MORN1: variants seen among roughly 807,000 people sequenced by gnomAD.
MORN1 encodes MORN repeat-containing protein 1.
In MORN1, 67 loss-of-function variants were observed where a neutral mutation model predicts 61.9. That is an observed-to-expected ratio of 1.08 (90% CI 0.89 to 1.33). The LOEUF (loss-of-function observed/expected upper bound fraction) is 1.33. Among genes scored for constraint, MORN1 ranks in the 40% most tolerant of loss-of-function variants. The pLI, the probability that MORN1 is intolerant of heterozygous loss-of-function variation, is 0.00. For synonymous variants in MORN1, 301 were observed against 292.0 expected (o/e 1.03, Z -0.31); for missense variants, 752 against 691.2 (o/e 1.09, Z -0.99).
intron 12 of MORN1, among the ~76,000 whole-genome samples, chr1:2,333,044 A>G (rs539609910): frequency 7.9e-4 from 120 of 152,324 alleles, no homozygotes; most frequent in African/African-American, 2.8e-3. Context: ...TGGGACTATA[A>G]AAACACGGAA....
chr1:2,330,247 C>T (rs924948915), intron 12 of MORN1, among the ~76,000 whole-genome samples: 1 of 152,254 alleles, frequency 6.6e-6, no homozygotes. Flanking sequence ...ACCCTGAGTC[C>T]TGTCCCTGTT....
chr1:2,342,871 ATTTTATTTTAT>A, intron 10 of MORN1, among the ~76,000 whole-genome samples: 1 of 66,764 alleles, frequency 1.5e-5, no homozygotes, highest in African/African-American at 4.6e-5. Context: ...TATTTTATTT[ATTTTATTTTAT>A]TTTATTTTAT....
chr1:2,325,116 T>TCCTTCTCTC (rs1640979751), intron 12 of MORN1, among the ~76,000 whole-genome samples: 1 of 61,772 alleles, frequency 1.6e-5, no homozygotes, highest in African/African-American at 1.2e-4. Context: ...TTCCTTCCCT[T>TCCTTCTCTC]CCTTCCCTTC....
At chr1:2,335,323 C>G (rs535803583) in intron 12 of MORN1, among the ~76,000 whole-genome samples, 2 of 152,328 alleles carry the variant, frequency 1.3e-5, no homozygotes, top group African/African-American at 4.8e-5. Flanking sequence ...GCCCCACCCC[C>G]GGCGGAAGCA....
chr1:2,367,279 G>T (rs1157476680), intron 8 of MORN1, among the ~76,000 whole-genome samples: 5 of 136,348 alleles, frequency 3.7e-5, no homozygotes, highest in African/African-American at 1.4e-4. Flanking sequence ...TTAGCAAACT[G>T]AAGGACAAGA....
In MORN1 at chr1:2,336,512, T is replaced by G. The variant is rs755680362; in HGVS notation, c.1207A>C (p.Arg403=). ...GGRSRGGLHP[R]GTPPTAQEPP... is the part of the protein sequence containing the mutation. ...TCCTGTGCCGTGGGTGGTGTCCCCC[T>G]GGGGTGCAGGCCGCCTCTGGATCTG... Residue 403 remains arginine (R), a synonymous_variant, in exon 12 of 14, where the codon AGG becomes CGG. Coordinates refer to ENST00000378531, the MANE Select transcript of MORN1 (RefSeq NM_024848.3). 1 of 1,612,712 alleles carries G rather than the reference T, an allele frequency of 6.2e-7. No individual in the cohort carries two copies. The highest frequency in any genetic ancestry group is 1.1e-5 in the South Asian group (1 of 91,064).
In MORN1 at chr1:2,379,783, A is replaced by G. The variant is rs374940559; in HGVS notation, c.537+5195T>C. On this transcript the variant is annotated intron_variant, in intron 6 of 13. Coordinates refer to ENST00000378531, the MANE Select transcript of MORN1 (RefSeq NM_024848.3). ...CTGGGGAGGAACTGGAACTGTGTGC[A>G]CTGTGGGCAGGAAGGTAAAAGGGTG... 9.2e-5 allele frequency among the ~76,000 whole-genome samples: 14 copies of G among 152,346 alleles called. No individual in the cohort carries two copies. In the South Asian group the frequency reaches 2.9e-3, roughly 32 times the overall value.
intron 8 of MORN1, among the ~76,000 whole-genome samples, chr1:2,367,360 C>T (rs1161912181): frequency 2.0e-5 from 3 of 150,644 alleles, no homozygotes; most frequent in African/African-American, 4.9e-5. Context: ...TGGCTTATGC[C>T]TGTGATCCCA....
At chr1:2,336,405 C>T in intron 12 of MORN1, 64 bp downstream of exon 12, 1 of 1,525,584 alleles carries the variant, frequency 6.6e-7, no homozygotes, top group Admixed American at 1.8e-5. Context: ...TCCTCCTGGC[C>T]CAGCTGATGA....
chr1:2,329,472 C>T (rs1007288002), intron 12 of MORN1, among the ~76,000 whole-genome samples: 1 of 152,218 alleles, frequency 6.6e-6, no homozygotes, highest in Non-Finnish European at 1.5e-5. Flanking sequence ...TCCCATTGTC[C>T]TGGGAGTTCT....
At chr1:2,389,291 CG>C (rs1258912306) in intron 2 of MORN1, among the ~76,000 whole-genome samples, 9 of 152,140 alleles carry the variant, frequency 5.9e-5, no homozygotes, top group African/African-American at 2.2e-4. Context: ...TGTTTTGAGA[CG>C]GAGTCTCAGT....
chr1:2,342,444 C>T (rs1009133426), intron 10 of MORN1, among the ~76,000 whole-genome samples: 5 of 152,218 alleles, frequency 3.3e-5, no homozygotes, highest in Non-Finnish European at 5.9e-5. Flanking sequence ...CCTAAGGGGA[C>T]GAGAACAGTC....
intron 13 of MORN1, 77 bp downstream of exon 13, chr1:2,324,020 C>A (rs887090381): frequency 4.8e-5 from 72 of 1,504,470 alleles, no homozygotes; most frequent in Non-Finnish European, 6.0e-5. Flanking sequence ...CCCAACCCCA[C>A]CTCCAGCCCT....
rs944304127 is a variant in MORN1, at chr1:2,355,277, G to A, written c.1036+2155C>T. On this transcript the variant is annotated intron_variant, in intron 10 of 13. Transcript: ENST00000378531. Reference sequence around the variant, plus strand: ...GAAGGCAGACAAGGGGGCGCGGGCCGGGCCCCCCGTGGGCCTGTTGGCCTG... The same window carrying A: ...GAAGGCAGACAAGGGGGCGCGGGCCAGGCCCCCCGTGGGCCTGTTGGCCTG... 9 of 1,431,962 alleles carry A rather than the reference G, an allele frequency of 6.3e-6. No homozygotes were observed. In the African/African-American group the frequency reaches 8.7e-5, roughly 14 times the overall value. The allele number at this position is 1,431,962 out of a possible 1,614,324, so 88.7% of individuals were successfully genotyped here. A position where few individuals can be genotyped will look rare whatever the true frequency, so the allele number is the denominator to read the frequency against.
At chr1:2,373,113 C>T (rs1452490536) in intron 7 of MORN1, among the ~76,000 whole-genome samples, 3 of 152,214 alleles carry the variant, frequency 2.0e-5, no homozygotes, top group Non-Finnish European at 4.4e-5. Context: ...GTCGTCACAC[C>T]GCATCCTGCT....
chr1:2,325,283 C>T lies in MORN1; in HGVS notation c.1251-1140G>A, dbSNP rs1019579751. ...TCTCTCTCTGCCTCTCTTTCTCTCTCTCTCCTCTCTCTCTCTCTCTCTTTT... is the reference window on the plus strand; with the variant it reads ...TCTCTCTCTGCCTCTCTTTCTCTCTTTCTCCTCTCTCTCTCTCTCTCTTTT... On this transcript the variant is annotated intron_variant, in intron 12 of 13. Transcript: ENST00000378531. Among the ~76,000 whole-genome samples, 3 of 105,986 alleles carry T rather than the reference C, an allele frequency of 2.8e-5. 1 individual carries two copies. Among genetic ancestry groups the T allele is most frequent in the South Asian group, 6.9e-4 (2 of 2,900 alleles). The allele number at this position is 105,986 out of a possible 152,430, so 69.5% of individuals were successfully genotyped here.
At position 2,387,325 on chromosome 1, in the gene MORN1, G is replaced by C; in HGVS notation, c.358+94C>G. On this transcript the variant is annotated intron_variant, in intron 4 of 13. Transcript: ENST00000378531. ...TTTCCAACCCTCTGAAGTCAGGCAG[G>C]CCCTCTCAGAGGTTCCTGAACCCAA... 3.4e-6 allele frequency: 3 copies of C among 893,662 alleles called. No homozygotes were observed. The East Asian group carries it at 7.2e-5, about 21-fold the overall frequency. The allele number at this position is 893,662 out of a possible 1,614,324, so 55.4% of individuals were successfully genotyped here.
At chr1:2,354,087 C>T (rs1188103432) in intron 10 of MORN1, among the ~76,000 whole-genome samples, 2 of 152,062 alleles carry the variant, frequency 1.3e-5, no homozygotes, top group Non-Finnish European at 2.9e-5. Flanking sequence ...GAGTTCGAGA[C>T]CATCCTGGCC....
intron 8 of MORN1, among the ~76,000 whole-genome samples, chr1:2,359,579 G>A (rs2100309591): frequency 6.6e-6 from 1 of 152,282 alleles, no homozygotes; most frequent in East Asian, 1.9e-4. Context: ...GTGCCGAGAG[G>A]AGCAAAGAGG....
Sources: gnomAD v4.1 joint callset for allele counts (sites outside exome capture counted in the v4.1 genomes callset) on GRCh38, gnomAD v4.1.1 for gene constraint, MANE v1.5 for transcripts, NCBI Gene and HGNC (gene_info 2026-07-23, HGNC 2026-07-21) for gene names.